NSD2: variants seen among roughly 807,000 people sequenced by gnomAD.
The protein encoded by NSD2 is nuclear receptor binding SET domain protein 2.
A neutral mutation model predicts 139.0 loss-of-function variants in NSD2; 12 were observed. That is an observed-to-expected ratio of 0.09 (90% confidence interval 0.06 to 0.14). NSD2 has a LOEUF of 0.14. Ranked by LOEUF, NSD2 falls within the 10% of genes least tolerant of loss-of-function variation. The probability of loss-of-function intolerance (pLI) is 1.00; values close to 1 mark genes in which losing one functional copy is unlikely to be tolerated. For missense variants in NSD2, 1,155 were observed against 1,745.0 expected, an observed-to-expected ratio of 0.66 and a Z score of 6.02; for synonymous variants, 669 against 648.7, an observed-to-expected ratio of 1.03 and a Z score of -0.48.
chr4:1,937,393 T>G (rs1722528603), intron 7 of NSD2, among the ~76,000 whole-genome samples: 1 of 152,104 alleles, frequency 6.6e-6, no homozygotes, highest in Admixed American at 6.5e-5. Flanking sequence ...CTGGCAATCA[T>G]ACTGAAACTG....
intron 9 of NSD2, chr4:1,946,261 A>T (rs968075805): frequency 1.2e-5 from 11 of 894,920 alleles, no homozygotes; most frequent in South Asian, 5.3e-5. Flanking sequence ...TTTATTTATT[A>T]TTTATTTATT....
At chr4:1,938,585 T>TGGGGG in intron 8 of NSD2, 53 bp downstream of exon 8, 3 of 546,888 alleles carry the variant, frequency 5.5e-6, no homozygotes, top group East Asian at 4.5e-5. Context: ...CAGGCTGGGC[T>TGGGGG]GGGTGGGTGG....
intron 4 of NSD2, among the ~76,000 whole-genome samples, 154 bp from the exon 5 acceptor site, chr4:1,917,987 A>T (rs549017392): frequency 6.6e-6 from 1 of 151,412 alleles, no homozygotes; most frequent in East Asian, 1.9e-4. Flanking sequence ...TGCCATGTTG[A>T]CCAGGCTGGT....
intron 1 of NSD2, among the ~76,000 whole-genome samples, chr4:1,895,107 T>C (rs1049429684): frequency 6.6e-6 from 1 of 152,232 alleles, no homozygotes; most frequent in African/African-American, 2.4e-5. Context: ...GAAGCAGATA[T>C]CAGCATTTCC....
intron 9 of NSD2, chr4:1,945,910 A>T: frequency 9.4e-7 from 1 of 1,058,948 alleles, no homozygotes; most frequent in Non-Finnish European, 1.1e-6. Flanking sequence ...GACTTACAAC[A>T]CACTTCTCTA....
At chr4:1,965,486 T>C (rs1399765207) in intron 18 of NSD2, among the ~76,000 whole-genome samples, 4 of 151,982 alleles carry the variant, frequency 2.6e-5, no homozygotes, top group Non-Finnish European at 4.4e-5. Flanking sequence ...AATTCCCAGG[T>C]TTGATGAAAC....
At chr4:1,920,422 A>G (rs558107706) in intron 5 of NSD2, among the ~76,000 whole-genome samples, 9 of 152,264 alleles carry the variant, frequency 5.9e-5, no homozygotes, top group African/African-American at 1.9e-4. Context: ...CAGCCTGGGT[A>G]ATCCTTAGGG....
intron 5 of NSD2, among the ~76,000 whole-genome samples, chr4:1,926,468 AT>A (rs891557418): frequency 1.3e-5 from 2 of 148,242 alleles, no homozygotes; most frequent in African/African-American, 5.0e-5. Flanking sequence ...TGAATTTTTA[AT>A]TTTTTTTATT....
rs1474959017 is a variant in NSD2, at chr4:1,980,938, C to G, written c.*2029C>G. Reference sequence around the variant, plus strand: ...GTTCTAGGGACAGGCCGGGCAGTGTCCCCACACACACCTTAGAGTCGAAGG... The same window carrying G: ...GTTCTAGGGACAGGCCGGGCAGTGTGCCCACACACACCTTAGAGTCGAAGG... On this transcript the variant is annotated 3_prime_UTR_variant, in exon 22 of 22. Coordinates refer to ENST00000508803, the MANE Select transcript of NSD2 (RefSeq NM_001042424.3). 1 of 233,156 alleles carries G rather than the reference C, an allele frequency of 4.3e-6. No individual in the cohort carries two copies. The highest frequency in any genetic ancestry group is 6.0e-5 in the East Asian group (1 of 16,604). The allele number at this position is 233,156 out of a possible 1,614,324, so 14.4% of individuals were successfully genotyped here. A position where few individuals can be genotyped will look rare whatever the true frequency, so the allele number is the denominator to read the frequency against.
chr4:1,953,620 C>G, intron 12 of NSD2, 96 bp downstream of exon 12: 2 of 1,423,850 alleles, frequency 1.4e-6, no homozygotes, highest in South Asian at 1.4e-5. Flanking sequence ...GGATTGTCAC[C>G]AAAGAGCATT....
intron 9 of NSD2, chr4:1,946,652 A>G: frequency 9.7e-7 from 1 of 1,035,062 alleles, no homozygotes. Flanking sequence ...CCCTTTGGGT[A>G]CCATTTTTAT....
Position 1,975,941 on chromosome 4 carries a change from T to C in NSD2, c.3622-534T>C, listed in dbSNP as rs912773977. On this transcript the variant is annotated intron_variant, in intron 20 of 21. Transcript: ENST00000508803. ...CCAAGGTTCCAGGAAGGACAGAGAT[T>C]TGGGGGGGCACTCTTGCACCCCTTC... 5.9e-5 allele frequency among the ~76,000 whole-genome samples: 9 copies of C among 152,136 alleles called. 2 individuals carry two copies. The highest frequency in any genetic ancestry group is 5.2e-4 in the Admixed American group (8 of 15,268).
intron 15 of NSD2, among the ~76,000 whole-genome samples, chr4:1,957,028 A>T (rs1399317067): frequency 6.6e-6 from 1 of 152,166 alleles, no homozygotes; most frequent in African/African-American, 2.4e-5. Flanking sequence ...AGGTGGACTT[A>T]TGTGTTTGCT....
intron 2 of NSD2, among the ~76,000 whole-genome samples, chr4:1,901,744 C>T (rs189318701): frequency 4.8e-4 from 73 of 152,314 alleles, no homozygotes; most frequent in Non-Finnish European, 7.5e-4. Context: ...CCCTGTGGTC[C>T]AGTGTCCACT....
In NSD2 at chr4:1,980,913, G is replaced by C. The variant is rs1206552058; in HGVS notation, c.*2004G>C. On this transcript the variant is annotated 3_prime_UTR_variant, in exon 22 of 22. Coordinates refer to ENST00000508803, the MANE Select transcript of NSD2 (RefSeq NM_001042424.3). ...TTATGATGCCCTAACTTGGAAGGTT[G>C]TTCTAGGGACAGGCCGGGCAGTGTC... The C allele has an allele frequency of 4.3e-6, 1 of 233,178 alleles. No individual in the cohort carries two copies. Among genetic ancestry groups the C allele is most frequent in the African/African-American group, 2.2e-5 (1 of 45,344 alleles). The allele number at this position is 233,178 out of a possible 1,614,324, so 14.4% of individuals were successfully genotyped here. A position where few individuals can be genotyped will look rare whatever the true frequency, so the allele number is the denominator to read the frequency against.
In NSD2 at chr4:1,974,682, C is replaced by T. The variant is rs1278054248; in HGVS notation, c.3373-181C>T. 2.2e-6 allele frequency: 2 copies of T among 906,358 alleles called. No homozygotes were observed. Among genetic ancestry groups the T allele is most frequent in the East Asian group, 2.4e-5 (1 of 41,182 alleles). The allele number at this position is 906,358 out of a possible 1,614,324, so 56.1% of individuals were successfully genotyped here. A position where few individuals can be genotyped will look rare whatever the true frequency, so the allele number is the denominator to read the frequency against. Reference sequence around the variant, plus strand: ...TCTCCACGTGGTCCTGACCTGTCCTCTGTGAGCAAGAGAAACAGGACTGGT... The same window carrying T: ...TCTCCACGTGGTCCTGACCTGTCCTTTGTGAGCAAGAGAAACAGGACTGGT... On this transcript the variant is annotated intron_variant, in intron 18 of 21. Transcript: ENST00000508803. The surrounding 1 kb of genome is among the most constrained non-coding windows in gnomAD (Gnocchi z 4.0).
At chr4:1,911,878 C>T (rs1718740242) in intron 3 of NSD2, among the ~76,000 whole-genome samples, 1 of 152,092 alleles carries the variant, frequency 6.6e-6, no homozygotes, top group Non-Finnish European at 1.5e-5. Context: ...ATCTCTTCTG[C>T]TTTTTTTCCC....
At chr4:1,901,996 A>G (rs1717247339) in intron 2 of NSD2, among the ~76,000 whole-genome samples, 1 of 152,200 alleles carries the variant, frequency 6.6e-6, no homozygotes, top group Non-Finnish European at 1.5e-5. Flanking sequence ...TCGGATGAGT[A>G]TAAGCCATAG....
At chr4:1,938,397 T>A in intron 7 of NSD2, 54 bp from the exon 8 acceptor site, 2 of 1,270,636 alleles carry the variant, frequency 1.6e-6, no homozygotes, top group South Asian at 1.8e-5. Context: ...CCTTTTTTTC[T>A]TTTCTTTTTT....
Sources: allele counts gnomAD v4.1 joint callset (sites outside exome capture counted in the v4.1 genomes callset), GRCh38; gene constraint gnomAD v4.1.1; non-coding constraint Gnocchi (gnomAD v3.1); transcripts MANE v1.5; gene names NCBI Gene and HGNC (gene_info 2026-07-23, HGNC 2026-07-21).